RBBP6: variants seen among roughly 807,000 people sequenced by gnomAD.
RBBP6 encodes E3 ubiquitin-protein ligase RBBP6.
In RBBP6, 25 loss-of-function variants were observed where a neutral mutation model predicts 167.7. That is an observed-to-expected ratio of 0.15 (90% confidence interval 0.11 to 0.21). The LOEUF (loss-of-function observed/expected upper bound fraction) is 0.21. RBBP6 is among the 10% of genes least tolerant of loss of function. RBBP6 has a pLI of 1.00. For missense variants in RBBP6, 1,868 were observed against 2,134.2 expected, an observed-to-expected ratio of 0.88 and a Z score of 2.46; for synonymous variants, 789 against 735.8, an observed-to-expected ratio of 1.07 and a Z score of -1.17.
intron 5 of RBBP6, 31 bp from the exon 6 acceptor site, chr16:24,555,790 G>T (rs775884329): frequency 2.5e-6 from 4 of 1,583,282 alleles, no homozygotes; most frequent in Non-Finnish European, 3.5e-6. Flanking sequence ...CAAAGTCCTC[G>T]TATACATGTA....
chr16:24,564,022 C>T (rs1243048718), intron 13 of RBBP6, among the ~76,000 whole-genome samples: 4 of 152,086 alleles, frequency 2.6e-5, no homozygotes, highest in Middle Eastern at 6.8e-3. Flanking sequence ...GTAGGTTTAA[C>T]TTTTTCTACC....
In RBBP6 at chr16:24,571,817, G is replaced by A. The variant is rs755117909; in HGVS notation, c.4751G>A (p.Gly1584Asp). 1 of 1,613,944 alleles carries A rather than the reference G, an allele frequency of 6.2e-7. No homozygotes were observed. Among genetic ancestry groups the A allele is most frequent in the Non-Finnish European group, 8.5e-7 (1 of 1,179,966 alleles). The change falls in exon 18 of 18, where the codon GGC becomes GAC. Residue 1584 changes from glycine (G) to aspartate (D), a missense_variant. Around this residue, in one of 7 missense-constraint regions of RBBP6, gnomAD observed 591 missense variants for 540.5 expected, o/e 1.09. Transcript: ENST00000319715. ...GCAAGGAACAATAAAGAGTCAAGTG[G>A]CAATAAACTACTTTATATACTTAAC... ...LEARNNKESS[G>D]NKLLYILNPP...
At chr16:24,552,418 T>G (rs1898818459) in intron 3 of RBBP6, among the ~76,000 whole-genome samples, 1 of 151,808 alleles carries the variant, frequency 6.6e-6, no homozygotes, top group African/African-American at 2.4e-5. Flanking sequence ...TTCTCCATTT[T>G]AAATGAAGAG....
intron 17 of RBBP6, 52 bp from the exon 18 acceptor site, chr16:24,570,824 T>C: frequency 7.8e-7 from 1 of 1,278,120 alleles, no homozygotes; most frequent in South Asian, 2.3e-5. Context: ...CAGTGTTTTA[T>C]AATTAATAGT....
chr16:24,550,700 C>T (rs980572653), intron 3 of RBBP6, among the ~76,000 whole-genome samples: 1 of 151,016 alleles, frequency 6.6e-6, no homozygotes, highest in Admixed American at 6.6e-5. Flanking sequence ...TTATAAGAAG[C>T]AGTTTATTTA....
In RBBP6 at chr16:24,561,703, A is replaced by G. The variant is rs200231327; in HGVS notation, c.939A>G (p.Lys313=). 1 of 1,613,910 alleles carries G rather than the reference A, an allele frequency of 6.2e-7. No homozygotes were observed. Among genetic ancestry groups the G allele is most frequent in the Non-Finnish European group, 8.5e-7 (1 of 1,179,808 alleles). The change falls in exon 9 of 18, where the codon AAA becomes AAG. Residue 313 remains lysine, a synonymous_variant. Transcript: ENST00000319715. ...DVSPDALIAN[K]FLRQAVNNFK... ...CTCCTGATGCTTTAATTGCCAATAA[A>G]TTTTTACGACAGGTAACTGTCTGTA...
intron 1 of RBBP6, among the ~76,000 whole-genome samples, chr16:24,541,406 T>C (rs1898494318): frequency 6.6e-6 from 1 of 152,192 alleles, no homozygotes; most frequent in Non-Finnish European, 1.5e-5. Flanking sequence ...TCACCGCTCT[T>C]GTCTTGTGTG....
chr16:24,549,462 T>C, intron 3 of RBBP6: 7 of 847,598 alleles, frequency 8.3e-6, no homozygotes, highest in Non-Finnish European at 9.9e-6. Flanking sequence ...TCCTGCCTGA[T>C]TTATGGCTTC....
rs1308770104 is a variant in RBBP6, at chr16:24,563,662, A to G, written c.1518A>G (p.Glu506=). The part of the protein sequence containing the change: ...ARPGGGRPGW[E]HSNKLGYLVS... ...CAGGTGGTGGTCGACCAGGCTGGGA[A>G]CAGTGAGTAGATGTTTACAATAATC... Residue 506 remains glutamate, a splice_region_variant and synonymous_variant, in exon 13 of 18, where the codon GAA becomes GAG. Coordinates refer to ENST00000319715, the MANE Select transcript of RBBP6 (RefSeq NM_006910.5). 2.5e-6 allele frequency: 4 copies of G among 1,610,846 alleles called. No individual in the cohort carries two copies. Among genetic ancestry groups the G allele is most frequent in the Non-Finnish European group, 3.4e-6 (4 of 1,178,830 alleles).
At chr16:24,568,637 A>T (rs1203783567) in intron 16 of RBBP6, 108 bp from the exon 17 acceptor site, 2 of 1,403,124 alleles carry the variant, frequency 1.4e-6, no homozygotes, top group East Asian at 2.4e-5. Flanking sequence ...ATGAAATTTG[A>T]TATAAAGATA....
chr16:24,568,703 T>C (rs1899251045), intron 16 of RBBP6, 42 bp from the exon 17 acceptor site: 1 of 1,554,744 alleles, frequency 6.4e-7, no homozygotes, highest in South Asian at 1.2e-5. Flanking sequence ...TTATTTTGTA[T>C]GTATTTCTCA....
rs766953382 is a variant in RBBP6 at position 24,569,192 on chromosome 16, T to C, written c.2502T>C (p.Tyr834=). 3.8e-5 allele frequency: 61 copies of C among 1,613,488 alleles called. No individual in the cohort carries two copies. The highest frequency in any genetic ancestry group is 1.6e-4 in the East Asian group (7 of 44,872). The change falls in exon 17 of 18, where the codon TAT becomes TAC. Residue 834 remains tyrosine, a synonymous_variant. Coordinates refer to ENST00000319715, the MANE Select transcript of RBBP6 (RefSeq NM_006910.5). ...GCTACCGAGAATGGGAGAGAAAATA[T>C]AGAGAGTGGTATGAAAAATATTATA... ...KERYREWERK[Y]REWYEKYYKG...
chr16:24,550,378 T>TG (rs1255832743), intron 3 of RBBP6, among the ~76,000 whole-genome samples: 12 of 150,808 alleles, frequency 8.0e-5, no homozygotes, highest in Non-Finnish European at 1.3e-4. Flanking sequence ...TTTGTTTTTT[T>TG]TTTTTAAGCA....
chr16:24,550,609 G>T (rs1898774667), intron 3 of RBBP6, among the ~76,000 whole-genome samples: 1 of 151,562 alleles, frequency 6.6e-6, no homozygotes, highest in African/African-American at 2.4e-5. Flanking sequence ...TTATTAGCAT[G>T]TGTATAAACA....
chr16:24,541,205 CA>C (rs933107246), intron 1 of RBBP6, among the ~76,000 whole-genome samples: 1 of 79,268 alleles, frequency 1.3e-5, no homozygotes, highest in Non-Finnish European at 2.5e-5. Context: ...AAAAAAAAAC[CA>C]AAAAAACAAT....
chr16:24,553,774 G>C (rs1596503871), intron 4 of RBBP6: 1 of 331,430 alleles, frequency 3.0e-6, no homozygotes, highest in East Asian at 4.7e-5. Flanking sequence ...CTTCAAGACA[G>C]AAGAAACACT....
At chr16:24,560,585 A>G (rs761802286) in intron 8 of RBBP6, among the ~76,000 whole-genome samples, 1 of 152,240 alleles carries the variant, frequency 6.6e-6, no homozygotes, top group Non-Finnish European at 1.5e-5. Flanking sequence ...TTTTAAAGGT[A>G]GTTTTGAAAT....
Position 24,540,772 on chromosome 16 carries a change from C to G in RBBP6, c.146C>G (p.Thr49Ser). The change falls in exon 1 of 18, where the codon ACC becomes AGC. Residue 49 changes from threonine (T) to serine (S), a missense_variant. Thr to Ser is a moderately conservative substitution (Grantham distance 58, BLOSUM62 1). Transcript: ENST00000319715. ...GCTGCCGACTGCGACCTGCAGATCA[C>G]CAATGCGCAGACGAAAGAAGGTAAG... ...LKAADCDLQI[T>S]NAQTKEEYTD... 1 of 1,613,346 alleles carries G rather than the reference C, an allele frequency of 6.2e-7. No homozygotes were observed. Among genetic ancestry groups the G allele is most frequent in the Non-Finnish European group, 8.5e-7 (1 of 1,179,822 alleles).
intron 1 of RBBP6, among the ~76,000 whole-genome samples, chr16:24,542,121 G>C (rs968163474): frequency 3.3e-5 from 5 of 152,174 alleles, no homozygotes; most frequent in African/African-American, 1.2e-4. Flanking sequence ...CATACCCTTT[G>C]ATAATTGGAG....
Sources: gnomAD v4.1 joint callset for allele counts (sites outside exome capture counted in the v4.1 genomes callset) on GRCh38, gnomAD v4.1.1 for gene constraint, gnomAD v4.1.1 regional missense constraint, MANE v1.5 for transcripts, NCBI Gene and HGNC (gene_info 2026-07-23, HGNC 2026-07-21) for gene names.